The following CASP9 variants were observed in gnomAD, a reference collection of about 807,000 sequenced individuals.
CASP9 encodes the protein caspase 9.
In CASP9, 29 loss-of-function variants were observed where a neutral mutation model predicts 43.5. The ratio of observed to expected loss-of-function variants is 0.67; its 90% CI spans 0.50 to 0.91. CASP9 has a LOEUF of 0.91. Among genes scored for constraint, CASP9 ranks in the 40% least tolerant of loss-of-function variants. CASP9 has a pLI of 0.00. For synonymous variants in CASP9, 206 were observed against 211.9 expected (o/e 0.97, Z 0.24); for missense variants, 575 against 537.4 (o/e 1.07, Z -0.69).
chr1:15,517,096 G>A (rs1339029919), intron 2 of CASP9, among the ~76,000 whole-genome samples: 1 of 152,098 alleles, frequency 6.6e-6, no homozygotes, highest in Admixed American at 6.5e-5. Flanking sequence ...ACCATGCAAT[G>A]GTCCACCAGA....
At position 15,491,715 on chromosome 1, in the gene CASP9, G is replaced by A. The variant is rs4646105; in HGVS notation, c.*1228C>T. 826 of 188,416 alleles carry A rather than the reference G, an allele frequency of 4.4e-3. 4 individuals are homozygous for A. The highest frequency in any genetic ancestry group is 7.4e-3 in the Non-Finnish European group (657 of 89,146). 11.7% of individuals were successfully genotyped at this position (188,416 alleles called of 1,614,324 possible). ...CGAGACTGCAATAAGCCAAGATTGC[G>A]TCATTGCACTCCAGCCTGGGCGACA... On this transcript the variant is annotated 3_prime_UTR_variant, in exon 9 of 9. Transcript: ENST00000333868.
upstream of CASP9, chr1:15,524,821 T>G (rs1300128869): frequency 5.7e-6 from 5 of 872,332 alleles, no homozygotes; most frequent in Admixed American, 1.8e-4. Context: ...CAGGATTCGC[T>G]CTGCGTCATC....
chr1:15,503,686 T>G (rs902261275), intron 6 of CASP9, among the ~76,000 whole-genome samples: 1 of 152,132 alleles, frequency 6.6e-6, no homozygotes, highest in Admixed American at 6.5e-5. Flanking sequence ...ACAGGAGAAA[T>G]AGACCACAGG....
Position 15,507,253 on chromosome 1 carries a change from C to T in CASP9, c.454-178G>A, listed in dbSNP as rs917770043. 4.8e-6 allele frequency: 3 copies of T among 624,290 alleles called. No homozygotes were observed. The Admixed American group carries it at 8.9e-5, about 18-fold the overall frequency. The allele number at this position is 624,290 out of a possible 1,614,324, so 38.7% of individuals were successfully genotyped here. ...GGGAAGACTAGCACTAGAAGGTGAC[C>T]CCCCCATCTTGGTATTAAGGGAAGG... is the stretch of plus-strand genomic sequence containing the variant. On this transcript the variant is annotated intron_variant, in intron 3 of 8. Transcript: ENST00000333868.
intron 1 of CASP9, among the ~76,000 whole-genome samples, chr1:15,518,665 A>G (rs1189723399): frequency 1.3e-5 from 2 of 152,214 alleles, no homozygotes. Flanking sequence ...GGGGAATGCA[A>G]TCAGACAAAT....
chr1:15,523,467 G>C (rs1161576777), intron 1 of CASP9, among the ~76,000 whole-genome samples: 1 of 152,142 alleles, frequency 6.6e-6, no homozygotes, highest in Non-Finnish European at 1.5e-5. Flanking sequence ...CTCCTTCCTC[G>C]CAAGTATTAA....
rs187485015 is a variant in CASP9, at chr1:15,499,135, T to G, written c.869-3683A>C. Among the ~76,000 whole-genome samples the G allele has an allele frequency of 4.1e-4, 63 of 152,338 alleles. 5 individuals are homozygous for G. Among genetic ancestry groups the G allele is most frequent in the East Asian group, 3.7e-3 (19 of 5,178 alleles). ...ATTCCATTTTATGTAATTAGGCAAC[T>G]GAGACTGAGATAAGTTAAGGGGTTT... On this transcript the variant is annotated intron_variant, in intron 6 of 8. Coordinates refer to ENST00000333868, the MANE Select transcript of CASP9 (RefSeq NM_001229.5).
intron 1 of CASP9, chr1:15,520,008 C>CAA: frequency 6.8e-6 from 1 of 147,236 alleles, no homozygotes; most frequent in Non-Finnish European, 1.5e-5. Context: ...GACCCTGTCT[C>CAA]AAAAAAAAAA....
chr1:15,508,056 T>C (rs1252202641), intron 2 of CASP9, 149 bp from the exon 3 acceptor site: 1 of 713,944 alleles, frequency 1.4e-6, no homozygotes, highest in Non-Finnish European at 2.4e-6. Flanking sequence ...TGGAGATCTG[T>C]TTAGAGGTTT....
chr1:15,524,196 T>C lies in CASP9; in HGVS notation c.5A>G (p.Asp2Gly). 3 of 1,544,800 alleles carry C rather than the reference T, an allele frequency of 1.9e-6. No individual in the cohort carries two copies. The highest frequency in any genetic ancestry group is 1.4e-5 in the African/African-American group (1 of 73,230). The change falls in exon 1 of 9, where the codon GAC becomes GGC. Residue 2 changes from aspartate to glycine, a missense_variant. Transcript: ENST00000333868. ...CCGCAGGAGCCGCCGATCCGCTTCG[T>C]CCATGGCGAGTAGCCAACTAAGACT... M[D>G]EADRRLLRRC...
chr1:15,497,666 A>G (rs1280370044), intron 6 of CASP9, among the ~76,000 whole-genome samples: 4 of 151,588 alleles, frequency 2.6e-5, no homozygotes. Flanking sequence ...AAAGATATAA[A>G]TAAATGGAAA....
intron 8 of CASP9, chr1:15,493,500 G>A (rs1708970832): frequency 7.5e-7 from 1 of 1,331,348 alleles, no homozygotes; most frequent in Non-Finnish European, 9.6e-7. Flanking sequence ...ACAAGGAGGG[G>A]TTCACAATTC....
In CASP9 at chr1:15,518,283, T is replaced by C. The variant is rs1406101329; in HGVS notation, c.245A>G (p.Gln82Arg). Residue 82 changes from glutamine to arginine, a missense_variant, in exon 2 of 9, where the codon CAG (glutamine) becomes CGG (arginine). Coordinates refer to ENST00000333868, the MANE Select transcript of CASP9 (RefSeq NM_001229.5). ...TCGCAGAAACGAAGCCAGCATGTCCTGGCCTGTGTCCTCTAAGCAGGAGAT... is the reference window on the plus strand; with the variant it reads ...TCGCAGAAACGAAGCCAGCATGTCCCGGCCTGTGTCCTCTAAGCAGGAGAT... ...LFISCLEDTG[Q>R]DMLASFLRTN... 1.2e-6 allele frequency: 2 copies of C among 1,614,256 alleles called. No individual in the cohort carries two copies. Among genetic ancestry groups the C allele is most frequent in the Non-Finnish European group, 1.7e-6 (2 of 1,180,042 alleles).
At chr1:15,519,057 T>C (rs1298070055) in intron 1 of CASP9, among the ~76,000 whole-genome samples, 1 of 151,492 alleles carries the variant, frequency 6.6e-6, no homozygotes, top group Non-Finnish European at 1.5e-5. Context: ...TTTTTATTTT[T>C]AGTAGAAACA....
intron 6 of CASP9, among the ~76,000 whole-genome samples, chr1:15,503,994 G>C (rs1009196648): frequency 7.9e-5 from 12 of 152,056 alleles, no homozygotes; most frequent in Admixed American, 5.9e-4. Context: ...AAACTACAAA[G>C]AATCCAAGTA....
At chr1:15,496,762 C>A (rs746509523) in intron 6 of CASP9, among the ~76,000 whole-genome samples, 2 of 152,214 alleles carry the variant, frequency 1.3e-5, no homozygotes, top group Non-Finnish European at 2.9e-5. Flanking sequence ...GATGCCATGG[C>A]TCACGCCTGT....
At chr1:15,506,361 C>A (rs1709521122) in intron 4 of CASP9, among the ~76,000 whole-genome samples, 1 of 152,014 alleles carries the variant, frequency 6.6e-6, no homozygotes, top group South Asian at 2.1e-4. Context: ...GAGGCTGAGG[C>A]AGGAGAATTG....
At chr1:15,495,899 A>G (rs184332999) in intron 6 of CASP9, among the ~76,000 whole-genome samples, 35 of 152,290 alleles carry the variant, frequency 2.3e-4, no homozygotes, top group Admixed American at 1.6e-3. Context: ...CCCCTGCCCT[A>G]TGTTACCTTA....
intron 6 of CASP9, among the ~76,000 whole-genome samples, chr1:15,495,900 T>C (rs1228438086): frequency 1.3e-5 from 2 of 152,232 alleles, no homozygotes; most frequent in African/African-American, 4.8e-5. Context: ...CCCTGCCCTA[T>C]GTTACCTTAC....
Sources: allele counts gnomAD v4.1 joint callset (sites outside exome capture counted in the v4.1 genomes callset), GRCh38; gene constraint gnomAD v4.1.1; transcripts MANE v1.5; gene names NCBI Gene and HGNC (gene_info 2026-07-23, HGNC 2026-07-21).